Variants in LRP12 observed in about 807,000 individuals in gnomAD.
The protein encoded by LRP12 is LDL receptor related protein 12.
A neutral mutation model predicts 66.0 loss-of-function variants in LRP12; 14 were observed. The ratio of observed to expected loss-of-function variants is 0.21; its 90% CI spans 0.14 to 0.33. LRP12 has a LOEUF of 0.33. Among genes scored for constraint, LRP12 ranks in the 10% least tolerant of loss-of-function variants. The pLI is 1.00. For synonymous variants in LRP12, 357 were observed against 359.1 expected (o/e 0.99, Z 0.07); for missense variants, 889 against 1,053.4 (o/e 0.84, Z 2.16).
chr8:104,573,585 C>T (rs1812115432), intron 1 of LRP12, among the ~76,000 whole-genome samples: 1 of 152,076 alleles, frequency 6.6e-6, no homozygotes, highest in African/African-American at 2.4e-5. Context: ...CATTTCTCCC[C>T]TCGGCATTTA....
In LRP12 at chr8:104,543,654, G is replaced by A. The variant is rs1443866249; in HGVS notation, c.80-11691C>T. 3.9e-5 allele frequency among the ~76,000 whole-genome samples: 6 copies of A among 152,166 alleles called. No homozygotes were observed. The East Asian group carries it at 1.2e-3, about 29-fold the overall frequency. ...AGCTATAAATGGGCTGGGCACAGTG[G>A]CTCACACCTGTAATTCCAGCACTTT... On this transcript the variant is annotated intron_variant, in intron 1 of 6. Coordinates refer to ENST00000276654, the MANE Select transcript of LRP12 (RefSeq NM_013437.5).
At chr8:104,525,168 T>C (rs1183156714) in intron 2 of LRP12, among the ~76,000 whole-genome samples, 1 of 152,122 alleles carries the variant, frequency 6.6e-6, no homozygotes, top group African/African-American at 2.4e-5. Context: ...TATTATTAAA[T>C]TTATAAAAAT....
At chr8:104,548,500 T>G (rs1268672034) in intron 1 of LRP12, among the ~76,000 whole-genome samples, 1 of 128,424 alleles carries the variant, frequency 7.8e-6, no homozygotes, top group Non-Finnish European at 1.6e-5. Context: ...ATCTAATATA[T>G]AATTCTATAT....
chr8:104,506,606 T>C (rs1002496636), intron 3 of LRP12: 2 of 152,224 alleles, frequency 1.3e-5, no homozygotes, highest in African/African-American at 4.8e-5. Context: ...CTCTCAGCTC[T>C]CTAAGCTCTC....
At chr8:104,547,615 A>G (rs1811607605) in intron 1 of LRP12, among the ~76,000 whole-genome samples, 1 of 118,598 alleles carries the variant, frequency 8.4e-6, no homozygotes, top group Non-Finnish European at 1.6e-5. Context: ...TTAATATATA[A>G]TATATTAATA....
At chr8:104,508,341 AT>A (rs1810939203) in intron 3 of LRP12, 1 of 152,202 alleles carries the variant, frequency 6.6e-6, no homozygotes, top group African/African-American at 2.4e-5. Flanking sequence ...CCTTATTTAT[AT>A]GTCACATTCA....
chr8:104,532,260 C>G (rs896030081), intron 1 of LRP12, among the ~76,000 whole-genome samples: 1 of 151,532 alleles, frequency 6.6e-6, no homozygotes, highest in African/African-American at 2.4e-5. Flanking sequence ...GAAGTCAGTA[C>G]TGCTACAAGA....
chr8:104,501,381 A>T (rs1810825443), intron 3 of LRP12, among the ~76,000 whole-genome samples: 1 of 145,596 alleles, frequency 6.9e-6, no homozygotes, highest in African/African-American at 2.5e-5. Flanking sequence ...TTTGCCCATT[A>T]AAAAAAAAAA....
chr8:104,565,460 T>G (rs1217701488), intron 1 of LRP12, among the ~76,000 whole-genome samples: 1 of 152,142 alleles, frequency 6.6e-6, no homozygotes, highest in Non-Finnish European at 1.5e-5. Context: ...ATACACAGAA[T>G]TCTGAAAGAA....
chr8:104,506,331 C>T (rs1483711283), intron 3 of LRP12: 1 of 152,072 alleles, frequency 6.6e-6, no homozygotes, highest in East Asian at 1.9e-4. Flanking sequence ...CTTAAAATGC[C>T]TGGAGTAAAT....
intron 3 of LRP12, 35 bp from the exon 4 acceptor site, chr8:104,499,554 C>A (rs1179342184): frequency 6.8e-7 from 1 of 1,469,856 alleles, no homozygotes; most frequent in Middle Eastern, 1.8e-4. Context: ...ATTAAAAAGT[C>A]AATTTTGGAA....
rs535016141 is a variant in LRP12 at position 104,520,925 on chromosome 8, G to A, written c.136+10982C>T. Among the ~76,000 whole-genome samples the A allele has an allele frequency of 3.3e-5, 5 of 152,080 alleles. No homozygotes were observed. The East Asian group carries it at 9.7e-4, about 29-fold the overall frequency. ...GAGCTTGCCTTTTTACGTTCACTAG[G>A]TTTGGCTCACTCAATGAAATGGATA... is the stretch of plus-strand genomic sequence containing the variant. On this transcript the variant is annotated intron_variant, in intron 2 of 6. Coordinates refer to ENST00000276654, the MANE Select transcript of LRP12 (RefSeq NM_013437.5).
At chr8:104,500,727 C>T (rs1041578708) in intron 3 of LRP12, among the ~76,000 whole-genome samples, 1 of 152,032 alleles carries the variant, frequency 6.6e-6, no homozygotes, top group African/African-American at 2.4e-5. Flanking sequence ...CAAACAAAAC[C>T]AAACAAAACA....
chr8:104,537,587 T>G (rs1353673059), intron 1 of LRP12, among the ~76,000 whole-genome samples: 1 of 152,036 alleles, frequency 6.6e-6, no homozygotes, highest in African/African-American at 2.4e-5. Flanking sequence ...AACTGCCAAG[T>G]AAAAGCTACT....
intron 3 of LRP12, among the ~76,000 whole-genome samples, chr8:104,500,404 G>C (rs1406219967): frequency 1.3e-5 from 2 of 152,102 alleles, no homozygotes; most frequent in Non-Finnish European, 2.9e-5. Flanking sequence ...GCACTATTAT[G>C]AACTATGCTT....
intron 1 of LRP12, 36 bp downstream of exon 1, chr8:104,588,783 G>C (rs1006809629): frequency 5.0e-6 from 8 of 1,602,402 alleles, no homozygotes; most frequent in Non-Finnish European, 6.8e-6. Flanking sequence ...CCTCAGCTTT[G>C]TTCGGTCAGC....
At chr8:104,573,384 T>C (rs1233130411) in intron 1 of LRP12, among the ~76,000 whole-genome samples, 1 of 152,132 alleles carries the variant, frequency 6.6e-6, no homozygotes, top group Non-Finnish European at 1.5e-5. Context: ...AGCATCTCCA[T>C]TTTACCTCCC....
At chr8:104,551,225 C>T (rs185321725) in intron 1 of LRP12, among the ~76,000 whole-genome samples, 1 of 152,278 alleles carries the variant, frequency 6.6e-6, no homozygotes, top group African/African-American at 2.4e-5. Context: ...TCCTTCAACC[C>T]AGTTCAGGAA....
chr8:104,520,038 T>C (rs1051633604), intron 2 of LRP12, among the ~76,000 whole-genome samples: 1 of 149,202 alleles, frequency 6.7e-6, no homozygotes, highest in African/African-American at 2.5e-5. Flanking sequence ...GAGGCAAAAA[T>C]ATAAAGAGAG....
Sources: allele counts gnomAD v4.1 joint callset (sites outside exome capture counted in the v4.1 genomes callset), GRCh38; gene constraint gnomAD v4.1.1; transcripts MANE v1.5; gene names NCBI Gene and HGNC (gene_info 2026-07-23, HGNC 2026-07-21).